The following TAT variants were observed in gnomAD, a reference collection of about 807,000 sequenced individuals.
TAT encodes the protein tyrosine aminotransferase, also known as L-tyrosine:2-oxoglutarate aminotransferase.
A neutral mutation model predicts 53.6 loss-of-function variants in TAT; 35 were observed. That is an observed-to-expected ratio of 0.65 (90% CI 0.50 to 0.87). The LOEUF (loss-of-function observed/expected upper bound fraction) is 0.87, where lower values mean the gene tolerates loss of function less well. Among genes scored for constraint, TAT ranks in the 40% least tolerant of loss-of-function variants. The probability of loss-of-function intolerance (pLI) is 0.00; values close to 1 mark genes in which losing one functional copy is unlikely to be tolerated. For synonymous variants in TAT, 197 were observed against 206.5 expected (o/e 0.95, Z 0.39); for missense variants, 525 against 571.8 (o/e 0.92, Z 0.83).
intron 11 of TAT, 116 bp downstream of exon 11, chr16:71,568,595 A>G: frequency 2.3e-6 from 2 of 879,528 alleles, no homozygotes; most frequent in Non-Finnish European, 3.7e-6. Flanking sequence ...TTTGAATCTT[A>G]TCAAATGAGA....
intron 7 of TAT, among the ~76,000 whole-genome samples, chr16:71,571,387 T>C (rs2044202145): frequency 6.6e-6 from 1 of 152,224 alleles, no homozygotes; most frequent in African/African-American, 2.4e-5. Flanking sequence ...CAAATCAGGT[T>C]TTGTAACCAA....
At chr16:71,576,053 G>A (rs1176413278) in intron 2 of TAT, 27 bp from the exon 3 acceptor site, 1 of 1,612,918 alleles carries the variant, frequency 6.2e-7, no homozygotes, top group East Asian at 2.2e-5. Context: ...AACACAAAAG[G>A]AGCCAAGAGG....
chr16:71,571,745 C>T (rs1466843451), intron 6 of TAT, 87 bp from the exon 7 acceptor site: 37 of 1,288,250 alleles, frequency 2.9e-5, no homozygotes, highest in Non-Finnish European at 4.0e-5. Flanking sequence ...TTCCCTATCC[C>T]GTAATATTAA....
At position 71,573,825 on chromosome 16, in the gene TAT, GTTTGTTTGTTTTGTTTTGTT is replaced by G. The variant is rs529763303; in HGVS notation, c.341-239_341-220del. 8.6e-3 allele frequency among the ~76,000 whole-genome samples: 1,308 copies of G among 152,002 alleles called. 10 individuals carry two copies. The highest frequency in any genetic ancestry group is 0.029 in the African/African-American group (1,207 of 41,458). Reference sequence around the variant, plus strand: ...TTTGAATTTTTTTGTTTTGTTTTTTGTTTGTTTGTTTTGTTTTGTTTTTGTTTGTTTTTTTTGTAGAGACA... The same window carrying G: ...TTTGAATTTTTTTGTTTTGTTTTTTGTTTGTTTGTTTTTTTTGTAGAGACA... On this transcript the variant is annotated intron_variant, in intron 3 of 11. Transcript: ENST00000355962.
intron 6 of TAT, 45 bp from the exon 7 acceptor site, chr16:71,571,703 TATC>T: frequency 6.5e-7 from 1 of 1,535,452 alleles, no homozygotes; most frequent in Non-Finnish European, 9.0e-7. Flanking sequence ...TGAATTGCTT[TATC>T]ATGTAATAGT....
intron 8 of TAT, 42 bp from the exon 9 acceptor site, chr16:71,570,439 A>G: frequency 6.2e-7 from 1 of 1,614,110 alleles, no homozygotes. Flanking sequence ...AGCTTTTCTT[A>G]AGCATCTCTG....
At chr16:71,571,252 A>G (rs2044201040) in intron 7 of TAT, among the ~76,000 whole-genome samples, 4 of 152,136 alleles carry the variant, frequency 2.6e-5, no homozygotes, top group Admixed American at 2.6e-4. Context: ...GTTATGTAAC[A>G]CTCCCAGAGC....
intron 5 of TAT, 60 bp downstream of exon 5, chr16:71,572,470 C>G: frequency 6.2e-7 from 1 of 1,611,562 alleles, no homozygotes; most frequent in Non-Finnish European, 8.5e-7. Flanking sequence ...AAGTAATGTT[C>G]ATATATTTTT....
intron 4 of TAT, 136 bp from the exon 5 acceptor site, chr16:71,572,824 C>T (rs1187762254): frequency 1.1e-6 from 1 of 901,188 alleles, no homozygotes; most frequent in Non-Finnish European, 1.7e-6. Flanking sequence ...TGTACTAAGC[C>T]AAAACCAAAA....
At position 71,576,555 on chromosome 16, in the gene TAT, T is replaced by TG. The variant is rs543306361; in HGVS notation, c.-12-129_-12-128insC. 820 of 809,610 alleles carry TG rather than the reference T, an allele frequency of 1.0e-3. 3 individuals carry two copies. Among genetic ancestry groups the TG allele is most frequent in the Middle Eastern group, 5.2e-3 (15 of 2,900 alleles). The allele number at this position is 809,610 out of a possible 1,614,324, so 50.2% of individuals were successfully genotyped here. ...TTTCCAAACTCTCTCTTTATTTTTTTTTCTACTTTCTGTTGTAAAGTAGCT... is the reference window on the plus strand; with the variant it reads ...TTTCCAAACTCTCTCTTTATTTTTTTGTTCTACTTTCTGTTGTAAAGTAGCT... On this transcript the variant is annotated intron_variant, in intron 1 of 11. Coordinates refer to ENST00000355962, the MANE Select transcript of TAT (RefSeq NM_000353.3).
Position 71,570,699 on chromosome 16 carries a change from T to A in TAT, c.892A>T (p.Arg298Ter). Residue 298 changes from arginine to a stop codon, truncating the protein, a stop_gained, in exon 8 of 12, where the codon AGA becomes TGA. Transcript: ENST00000355962. LOFTEE classifies it high-confidence loss of function. ...ATCACCTCATTGCCAAAAATGTCTC[T>A]TCGGTCATGAATGAGGATCCAGCCC... is the stretch of plus-strand genomic sequence containing the variant. ...RLGWILIHDR[R>*]DIFGNEIRDG... The A allele has an allele frequency of 6.2e-7, 1 of 1,614,200 alleles. No homozygotes were observed. Among genetic ancestry groups the A allele is most frequent in the Non-Finnish European group, 8.5e-7 (1 of 1,180,032 alleles).
rs199774720 is a variant in TAT at position 71,570,824 on chromosome 16, G to A, written c.767C>T (p.Ser256Leu). The change falls in exon 8 of 12, where the codon TCG becomes TTG. Residue 256 changes from serine (S) to leucine (L), a missense_variant. By Grantham distance (145) the Ser-to-Leu change is moderately radical (BLOSUM62 -2). Coordinates refer to ENST00000355962, the MANE Select transcript of TAT (RefSeq NM_000353.3). ...ADEIYGDMVF[S>L]DCKYEPLATL... ...GGCCAGTGGTTCATATTTGCAATCC[G>A]AAAACACCTGAGAAGAGGCACTTGT... 7.4e-6 allele frequency: 12 copies of A among 1,613,998 alleles called. No individual in the cohort carries two copies. The African/African-American group carries it at 9.3e-5, about 13-fold the overall frequency.
intron 8 of TAT, 82 bp downstream of exon 8, chr16:71,570,597 A>C (rs1425671541): frequency 4.4e-6 from 7 of 1,601,360 alleles, no homozygotes; most frequent in Non-Finnish European, 6.0e-6. Flanking sequence ...GAAAGAAAAG[A>C]AAAAAGCCTC....
intron 3 of TAT, among the ~76,000 whole-genome samples, chr16:71,574,617 T>C: frequency 6.8e-6 from 1 of 147,700 alleles, no homozygotes; most frequent in Non-Finnish European, 1.5e-5. Flanking sequence ...GAAGTTGTAA[T>C]CAGTGCATTC....
chr16:71,571,789 CA>C, intron 6 of TAT, 131 bp from the exon 7 acceptor site: 2 of 937,268 alleles, frequency 2.1e-6, no homozygotes, highest in Non-Finnish European at 3.4e-6. Flanking sequence ...AGACAAAAAG[CA>C]CAAGCAAAGT....
chr16:71,572,475 A>AT, intron 5 of TAT, 55 bp downstream of exon 5: 1 of 1,612,818 alleles, frequency 6.2e-7, no homozygotes, highest in East Asian at 2.2e-5. Flanking sequence ...ATGTTCATAT[A>AT]TTTTTTACAG....
rs746028625 is a variant in TAT at position 71,572,545 on chromosome 16, T to G, written c.552A>C (p.Lys184Asn). 1.2e-6 allele frequency: 2 copies of G among 1,614,202 alleles called. No individual in the cohort carries two copies. Among genetic ancestry groups the G allele is most frequent in the South Asian group, 2.2e-5 (2 of 91,082 alleles). Residue 184 changes from lysine (K) to asparagine (N), a missense_variant, in exon 5 of 12, where the codon AAA becomes AAC. By Grantham distance (94) the Lys-to-Asn change is moderately conservative (BLOSUM62 0). Coordinates refer to ENST00000355962, the MANE Select transcript of TAT (RefSeq NM_000353.3). The stretch of plus-strand genomic sequence containing the variant: ...AGTCATTTACCAACAAATTGTAGAG[T>G]TTGACCTCAATTCCCATAGACTCAG... ...TLAESMGIEV[K>N]LYNLLPEKSW...
intron 10 of TAT, 83 bp from the exon 11 acceptor site, chr16:71,568,892 C>T (rs1225164135): frequency 2.1e-5 from 20 of 938,252 alleles, no homozygotes; most frequent in Non-Finnish European, 3.3e-5. Context: ...AAGGTAGGGG[C>T]TACTTTAAAA....
Position 71,567,736 on chromosome 16 carries a change from G to A in TAT, c.*408C>T, listed in dbSNP as rs1038125265. On this transcript the variant is annotated 3_prime_UTR_variant, in exon 12 of 12. Coordinates refer to ENST00000355962, the MANE Select transcript of TAT (RefSeq NM_000353.3). ...AGCTTCAGACCTGCCTGGAGAGAGC[G>A]TGTTCTTTCTTAGAGTCTGAGGAAA... The A allele has an allele frequency of 3.4e-6, 1 of 290,988 alleles. No homozygotes were observed. Among genetic ancestry groups the A allele is most frequent in the East Asian group, 8.8e-5 (1 of 11,388 alleles). The allele number at this position is 290,988 out of a possible 1,614,324, so 18.0% of individuals were successfully genotyped here.
Sources: gnomAD v4.1 joint callset for allele counts (sites outside exome capture counted in the v4.1 genomes callset) on GRCh38, gnomAD v4.1.1 for gene constraint, MANE v1.5 for transcripts, NCBI Gene and HGNC (gene_info 2026-07-23, HGNC 2026-07-21) for gene names.